Variants in GRIN2A observed in about 807,000 individuals in gnomAD.
The protein encoded by GRIN2A is glutamate ionotropic receptor NMDA type subunit 2A.
Under a neutral mutation model 113.4 loss-of-function variants are expected in GRIN2A, and 22 were observed. The observed-to-expected ratio is 0.19, with a 90% CI of 0.14 to 0.28. The LOEUF (loss-of-function observed/expected upper bound fraction) is 0.28. GRIN2A is among the 10% of genes least tolerant of loss of function. The pLI, the probability that GRIN2A is intolerant of heterozygous loss-of-function variation, is 1.00. For synonymous variants in GRIN2A, 827 were observed against 738.4 expected (o/e 1.12, Z -1.94); for missense variants, 1,502 against 1,887.0 (o/e 0.80, Z 3.78).
intron 2 of GRIN2A, among the ~76,000 whole-genome samples, chr16:10,040,931 G>C (rs2047156487): frequency 6.6e-6 from 1 of 152,216 alleles, no homozygotes; most frequent in African/African-American, 2.4e-5. Context: ...TCTGCCGCAG[G>C]CTGGAAGAGG....
chr16:10,044,540 G>A (rs181112661), intron 2 of GRIN2A, among the ~76,000 whole-genome samples: 1 of 151,410 alleles, frequency 6.6e-6, no homozygotes, highest in East Asian at 1.9e-4. Context: ...CTGTCATTGT[G>A]TTCTATACAT....
chr16:10,085,663 G>A (rs2048072690), intron 2 of GRIN2A, among the ~76,000 whole-genome samples: 1 of 152,122 alleles, frequency 6.6e-6, no homozygotes, highest in Non-Finnish European at 1.5e-5. Context: ...AAACAGTGAT[G>A]GAACAAGTCT....
chr16:9,915,258 G>T (rs190828405), intron 3 of GRIN2A, among the ~76,000 whole-genome samples: 272 of 151,932 alleles, frequency 1.8e-3, no homozygotes, highest in African/African-American at 6.4e-3. Flanking sequence ...TTCTTAATAA[G>T]GCAAGCTGAA....
intron 2 of GRIN2A, among the ~76,000 whole-genome samples, chr16:10,161,290 T>C (rs1166780222): frequency 6.6e-6 from 1 of 152,096 alleles, no homozygotes; most frequent in African/African-American, 2.4e-5. Flanking sequence ...TCTGCCATGA[T>C]TGTAAATTTC....
chr16:10,149,652 T>C (rs1009535574), intron 2 of GRIN2A, among the ~76,000 whole-genome samples: 1 of 152,172 alleles, frequency 6.6e-6, no homozygotes, highest in Non-Finnish European at 1.5e-5. Flanking sequence ...CCTCCACCAG[T>C]ACCTCCTCAC....
At chr16:9,838,990 G>C (rs2042627383) in intron 7 of GRIN2A, among the ~76,000 whole-genome samples, 1 of 152,090 alleles carries the variant, frequency 6.6e-6, no homozygotes, top group African/African-American at 2.4e-5. Context: ...TAAAGGCCCA[G>C]ACTTCACCAC....
At chr16:9,948,042 A>T (rs2045064547) in intron 2 of GRIN2A, among the ~76,000 whole-genome samples, 3 of 152,164 alleles carry the variant, frequency 2.0e-5, no homozygotes, top group Admixed American at 2.0e-4. Context: ...AAATGACACA[A>T]CTTTGCAGCA....
chr16:9,765,162 AG>A (rs1419750238), intron 12 of GRIN2A, among the ~76,000 whole-genome samples: 1 of 152,234 alleles, frequency 6.6e-6, no homozygotes, highest in Non-Finnish European at 1.5e-5. Context: ...GCTCAAGATT[AG>A]CTGACACCTT....
At chr16:10,110,250 G>C (rs1246573284) in intron 2 of GRIN2A, among the ~76,000 whole-genome samples, 2 of 152,240 alleles carry the variant, frequency 1.3e-5, no homozygotes, top group African/African-American at 4.8e-5. Flanking sequence ...AATTTGAAAA[G>C]TTGAATGGAA....
At chr16:9,785,826 T>C (rs1902201266) in intron 11 of GRIN2A, among the ~76,000 whole-genome samples, 2 of 152,186 alleles carry the variant, frequency 1.3e-5, no homozygotes, top group East Asian at 1.9e-4. Context: ...CAAGTGATTC[T>C]ATTGGATGCA....
chr16:9,980,310 T>A (rs1191267573), intron 2 of GRIN2A, among the ~76,000 whole-genome samples: 1 of 150,606 alleles, frequency 6.6e-6, no homozygotes, highest in Non-Finnish European at 1.5e-5. Context: ...CCAGTTAGAA[T>A]GGCGATCATT....
chr16:10,077,503 C>G (rs2047897090), intron 2 of GRIN2A, among the ~76,000 whole-genome samples: 1 of 152,214 alleles, frequency 6.6e-6, no homozygotes, highest in African/African-American at 2.4e-5. Flanking sequence ...CACCTCTCAC[C>G]TGGATGACTT....
chr16:10,132,008 C>A (rs1376414467), intron 2 of GRIN2A, among the ~76,000 whole-genome samples: 1 of 152,064 alleles, frequency 6.6e-6, no homozygotes, highest in Non-Finnish European at 1.5e-5. Flanking sequence ...ATTATAATCC[C>A]CATTTATAAG....
At chr16:9,876,433 G>C (rs568516279) in intron 4 of GRIN2A, among the ~76,000 whole-genome samples, 1 of 152,172 alleles carries the variant, frequency 6.6e-6, no homozygotes, top group South Asian at 2.1e-4. Flanking sequence ...TTCTTTGTTT[G>C]ATCACCAATA....
chr16:10,174,532 A>G (rs1268319129), intron 2 of GRIN2A, among the ~76,000 whole-genome samples: 1 of 152,206 alleles, frequency 6.6e-6, no homozygotes, highest in African/African-American at 2.4e-5. Context: ...ATCAGAGAAG[A>G]ACTTTATAAT....
chr16:9,776,557 C>G (rs1901616791), intron 11 of GRIN2A, among the ~76,000 whole-genome samples: 1 of 152,092 alleles, frequency 6.6e-6, no homozygotes, highest in Non-Finnish European at 1.5e-5. Context: ...GGAATAGATT[C>G]TGAAACCCAG....
At chr16:9,800,781 G>A (rs543411087) in intron 10 of GRIN2A, among the ~76,000 whole-genome samples, 227 of 152,238 alleles carry the variant, frequency 1.5e-3, no homozygotes, top group Admixed American at 5.8e-3. Flanking sequence ...TGGCAACAGC[G>A]ATGGTAACCT....
intron 7 of GRIN2A, 25 bp downstream of exon 7, chr16:9,840,622 A>T (rs200844680): frequency 4.0e-4 from 637 of 1,605,492 alleles, no homozygotes; most frequent in Admixed American, 9.3e-4. Flanking sequence ...ATAGGAAAGC[A>T]ATAGTCACTA....
intron 2 of GRIN2A, among the ~76,000 whole-genome samples, chr16:10,125,912 G>C (rs1344247404): frequency 1.3e-5 from 2 of 152,042 alleles, no homozygotes. Flanking sequence ...AGCAGAAGGA[G>C]GTCTGACACA....
Sources: gnomAD v4.1 joint callset for allele counts (sites outside exome capture counted in the v4.1 genomes callset) on GRCh38, gnomAD v4.1.1 for gene constraint, MANE v1.5 for transcripts, NCBI Gene and HGNC (gene_info 2026-07-23, HGNC 2026-07-21) for gene names.